Variants in NCKAP5 observed in about 807,000 individuals in gnomAD.
NCKAP5 encodes the protein nck-associated protein 5.
NCKAP5 carries 92 observed loss-of-function variants against 167.0 expected under a neutral mutation model. The ratio of observed to expected loss-of-function variants is 0.55; its 90% CI spans 0.47 to 0.66. The LOEUF is 0.66. NCKAP5 is among the 30% of genes least tolerant of loss of function. NCKAP5 has a pLI of 0.00. For synonymous variants in NCKAP5, 891 were observed against 877.4 expected, an observed-to-expected ratio of 1.02 and a Z score of -0.27; for missense variants, 2,378 against 2,315.0, an observed-to-expected ratio of 1.03 and a Z score of -0.56.
chr2:132,815,224 C>T (rs547526529), intron 11 of NCKAP5, among the ~76,000 whole-genome samples: 4 of 152,110 alleles, frequency 2.6e-5, no homozygotes, highest in South Asian at 2.1e-4. Flanking sequence ...TTTGCAACCT[C>T]GGAGAATACC....
At chr2:133,546,488 C>A (rs965425361) in intron 2 of NCKAP5, among the ~76,000 whole-genome samples, 5 of 152,084 alleles carry the variant, frequency 3.3e-5, no homozygotes, top group Non-Finnish European at 7.4e-5. Flanking sequence ...ATACAAGCTG[C>A]GCTATAGAGT....
the NCKAP5 span, among the ~76,000 whole-genome samples, chr2:133,604,358 A>T: frequency 1.3e-5 from 2 of 151,876 alleles, no homozygotes; most frequent in African/African-American, 4.8e-5. Context: ...GACACATGCC[A>T]CCACGCCTGG....
At chr2:133,454,137 A>G (rs1032226620) in intron 3 of NCKAP5, among the ~76,000 whole-genome samples, 4 of 152,052 alleles carry the variant, frequency 2.6e-5, no homozygotes, top group Non-Finnish European at 5.9e-5. Flanking sequence ...TTAAGCTTAT[A>G]AGCTTTAAAA....
At chr2:132,827,112 T>C (rs1170303196) in intron 11 of NCKAP5, among the ~76,000 whole-genome samples, 1 of 152,154 alleles carries the variant, frequency 6.6e-6, no homozygotes, top group East Asian at 1.9e-4. Context: ...AGATGGAGTG[T>C]ATAGATATAG....
intron 11 of NCKAP5, among the ~76,000 whole-genome samples, chr2:132,821,245 A>T (rs1159655241): frequency 6.6e-6 from 1 of 152,214 alleles, no homozygotes; most frequent in African/African-American, 2.4e-5. Flanking sequence ...CTGAACACAC[A>T]TCCCCACTGG....
At chr2:133,387,089 T>C (rs201953772) in intron 3 of NCKAP5, among the ~76,000 whole-genome samples, 2 of 152,226 alleles carry the variant, frequency 1.3e-5, no homozygotes, top group Non-Finnish European at 2.9e-5. Context: ...CCTGTCATTA[T>C]GATGTTAGCT....
chr2:133,194,061 T>C (rs772392610), intron 5 of NCKAP5, among the ~76,000 whole-genome samples: 11 of 152,158 alleles, frequency 7.2e-5, no homozygotes, highest in Non-Finnish European at 1.5e-4. Context: ...TGCGTATACA[T>C]GCATATACAT....
chr2:133,473,331 C>CA (rs11393887), intron 3 of NCKAP5, among the ~76,000 whole-genome samples: 26,058 of 141,980 alleles, frequency 0.18, 4,319 homozygotes, highest in African/African-American at 0.45. Flanking sequence ...GACTCCGTCT[C>CA]AAAAAAAAAA....
chr2:132,749,715 T>G (rs1679948807), intron 16 of NCKAP5, among the ~76,000 whole-genome samples: 1 of 150,272 alleles, frequency 6.7e-6, no homozygotes, highest in Non-Finnish European at 1.5e-5. Flanking sequence ...TTTTTTTACT[T>G]AAAATACATA....
chr2:132,939,234 T>C (rs1697093372), intron 8 of NCKAP5, among the ~76,000 whole-genome samples: 1 of 152,174 alleles, frequency 6.6e-6, no homozygotes, highest in South Asian at 2.1e-4. Flanking sequence ...CATTATAAAT[T>C]AGGAAAGTTG....
chr2:133,384,251 A>T (rs1378919720), intron 3 of NCKAP5, among the ~76,000 whole-genome samples: 3 of 152,180 alleles, frequency 2.0e-5, no homozygotes, highest in Non-Finnish European at 4.4e-5. Flanking sequence ...TAAGGAAGGG[A>T]TCCAGTTTCA....
intron 5 of NCKAP5, among the ~76,000 whole-genome samples, chr2:133,200,143 G>GA (rs1313464793): frequency 7.6e-6 from 1 of 132,234 alleles, no homozygotes; most frequent in African/African-American, 2.9e-5. Context: ...GCTTAGAATA[G>GA]AAAAAAATCT....
At chr2:133,360,451 A>C (rs1369085837) in intron 3 of NCKAP5, among the ~76,000 whole-genome samples, 1 of 152,174 alleles carries the variant, frequency 6.6e-6, no homozygotes, top group African/African-American at 2.4e-5. Flanking sequence ...TAGAAATCTA[A>C]CAGGAACAGA....
chr2:133,489,883 T>A (rs886577182), intron 3 of NCKAP5, among the ~76,000 whole-genome samples: 1 of 152,088 alleles, frequency 6.6e-6, no homozygotes, highest in African/African-American at 2.4e-5. Flanking sequence ...TCCAACTAAG[T>A]GGTAGAAACT....
intron 11 of NCKAP5, among the ~76,000 whole-genome samples, chr2:132,798,764 T>C (rs1392753900): frequency 6.6e-6 from 1 of 152,214 alleles, no homozygotes; most frequent in Non-Finnish European, 1.5e-5. Flanking sequence ...ACCTGAGTTC[T>C]AGCCCTGTTG....
intron 8 of NCKAP5, among the ~76,000 whole-genome samples, chr2:132,946,847 G>A (rs563620966): frequency 2.7e-4 from 41 of 152,274 alleles, no homozygotes; most frequent in African/African-American, 9.1e-4. Context: ...GCAGTGAGCC[G>A]AGATGGCGCC....
At chr2:133,562,148 G>GA (rs888556924) in intron 1 of NCKAP5, among the ~76,000 whole-genome samples, 26 of 145,090 alleles carry the variant, frequency 1.8e-4, no homozygotes, top group Non-Finnish European at 2.0e-4. Flanking sequence ...AACAGCTGAA[G>GA]AAAAAAAAAA....
chr2:132,910,921 T>C (rs1045560540), intron 8 of NCKAP5, among the ~76,000 whole-genome samples: 1 of 152,196 alleles, frequency 6.6e-6, no homozygotes, highest in East Asian at 1.9e-4. Flanking sequence ...CTCATAAGCA[T>C]CAGTACTCAT....
At chr2:132,948,397 G>T (rs184189050) in intron 8 of NCKAP5, among the ~76,000 whole-genome samples, 1 of 152,284 alleles carries the variant, frequency 6.6e-6, no homozygotes, top group East Asian at 1.9e-4. Context: ...AAAAGGGACT[G>T]TTGCCTGCTG....
Sources: allele counts gnomAD v4.1 joint callset (sites outside exome capture counted in the v4.1 genomes callset), GRCh38; gene constraint gnomAD v4.1.1; transcripts MANE v1.5; gene names NCBI Gene and HGNC (gene_info 2026-07-23, HGNC 2026-07-21).